The following RBFOX1 variants were observed in gnomAD, a reference collection of about 807,000 sequenced individuals.
RBFOX1 encodes RNA binding fox-1 homolog 1.
In RBFOX1, 8 loss-of-function variants were observed where a neutral mutation model predicts 57.7. That is an observed-to-expected ratio of 0.14 (90% CI 0.08 to 0.25). The LOEUF is 0.25. Among genes scored for constraint, RBFOX1 ranks in the 10% least tolerant of loss-of-function variants. The probability of loss-of-function intolerance (pLI) is 1.00; values close to 1 mark genes in which losing one functional copy is unlikely to be tolerated. For synonymous variants in RBFOX1, 326 were observed against 222.4 expected, an observed-to-expected ratio of 1.47 and a Z score of -4.15; for missense variants, 611 against 548.5, an observed-to-expected ratio of 1.11 and a Z score of -1.14.
At chr16:7,355,059 G>A (rs2097191359) in intron 4 of RBFOX1, among the ~76,000 whole-genome samples, 1 of 152,150 alleles carries the variant, frequency 6.6e-6, no homozygotes, top group Admixed American at 6.5e-5. Context: ...TTTAACGCAT[G>A]AGGTCTTAGT....
chr16:7,702,360 C>A (rs528874727), intron 14 of RBFOX1, among the ~76,000 whole-genome samples: 2 of 152,138 alleles, frequency 1.3e-5, no homozygotes, highest in Non-Finnish European at 2.9e-5. Context: ...CCACAGAATC[C>A]CCAAGAAGCT....
At chr16:6,256,187 G>GTATATA (rs1238561014) in intron 1 of RBFOX1, among the ~76,000 whole-genome samples, 2 of 9,730 alleles carry the variant, frequency 2.1e-4, no homozygotes, top group African/African-American at 1.4e-4. Flanking sequence ...ATATATATAC[G>GTATATA]TATATATATG....
intron 3 of RBFOX1, among the ~76,000 whole-genome samples, chr16:6,898,049 T>C (rs940291085): frequency 6.6e-6 from 1 of 152,160 alleles, no homozygotes. Context: ...TCCTCGGTGT[T>C]TATATAATGC....
chr16:7,014,648 G>C (rs1418612697), intron 3 of RBFOX1, among the ~76,000 whole-genome samples: 2 of 152,110 alleles, frequency 1.3e-5, no homozygotes, highest in Admixed American at 6.6e-5. Flanking sequence ...TTTTGGATTT[G>C]ATTCTCAGTC....
At chr16:5,978,841 C>T (rs2152308020) in intron 4 of RBFOX1, among the ~76,000 whole-genome samples, 1 of 152,170 alleles carries the variant, frequency 6.6e-6, no homozygotes, top group East Asian at 1.9e-4. Context: ...ATGCTCTTCT[C>T]ATCATATAGC....
chr16:7,064,986 A>G (rs540924475), intron 4 of RBFOX1, among the ~76,000 whole-genome samples: 2 of 152,310 alleles, frequency 1.3e-5, no homozygotes, highest in East Asian at 3.9e-4. Context: ...GTGTGTCACC[A>G]CCACATACAA....
intron 4 of RBFOX1, among the ~76,000 whole-genome samples, chr16:7,504,863 C>T (rs148560357): frequency 0.02 from 2,798 of 136,834 alleles, 116 homozygotes; most frequent in African/African-American, 0.081. Context: ...GGAAGAATAC[C>T]AGCTGTTCTG....
At chr16:7,703,922 A>G (rs886297598) in intron 14 of RBFOX1, among the ~76,000 whole-genome samples, 5 of 152,230 alleles carry the variant, frequency 3.3e-5, no homozygotes, top group African/African-American at 1.2e-4. Flanking sequence ...TCTGCAGACC[A>G]AAAGTCTGGG....
chr16:7,270,216 C>T (rs2095284456), intron 4 of RBFOX1, among the ~76,000 whole-genome samples: 1 of 152,172 alleles, frequency 6.6e-6, no homozygotes, highest in Non-Finnish European at 1.5e-5. Context: ...GGAGCAGGAA[C>T]CTGAGAGGAC....
intron 3 of RBFOX1, among the ~76,000 whole-genome samples, chr16:6,805,808 C>T (rs1448787183): frequency 1.3e-5 from 2 of 152,178 alleles, no homozygotes; most frequent in Admixed American, 6.5e-5. Context: ...TTCACATCTT[C>T]GCTGCCCTGT....
intron 3 of RBFOX1, among the ~76,000 whole-genome samples, chr16:5,753,114 C>G (rs1292627903): frequency 6.6e-6 from 1 of 151,744 alleles, no homozygotes; most frequent in East Asian, 1.9e-4. Context: ...GAGCTGTGAT[C>G]ACACCACTGC....
At chr16:7,006,013 A>G (rs986277422) in intron 3 of RBFOX1, among the ~76,000 whole-genome samples, 1 of 152,186 alleles carries the variant, frequency 6.6e-6, no homozygotes, top group African/African-American at 2.4e-5. Context: ...GCTGGACAGC[A>G]TCTTACTGAG....
At chr16:7,467,589 G>T (rs551908374) in intron 4 of RBFOX1, among the ~76,000 whole-genome samples, 3 of 152,288 alleles carry the variant, frequency 2.0e-5, no homozygotes, top group Admixed American at 6.5e-5. Context: ...GTAGCTGTGG[G>T]ACTTTGGGCA....
intron 1 of RBFOX1, among the ~76,000 whole-genome samples, chr16:6,223,284 C>T (rs1157562565): frequency 2.0e-5 from 3 of 150,974 alleles, no homozygotes; most frequent in Non-Finnish European, 4.4e-5. Context: ...ACACTGACTT[C>T]CACAATGGTT....
At chr16:7,210,185 A>G (rs1170959621) in intron 4 of RBFOX1, among the ~76,000 whole-genome samples, 1 of 152,206 alleles carries the variant, frequency 6.6e-6, no homozygotes, top group African/African-American at 2.4e-5. Context: ...TCAAGATCCC[A>G]CACAAGAAAC....
chr16:6,610,675 A>G (rs979602517), intron 2 of RBFOX1, among the ~76,000 whole-genome samples: 1 of 152,190 alleles, frequency 6.6e-6, no homozygotes, highest in Admixed American at 6.5e-5. Flanking sequence ...TGAGCTTCAT[A>G]TATGTGAAGA....
At chr16:6,531,713 G>C (rs1366959321) in intron 2 of RBFOX1, among the ~76,000 whole-genome samples, 4 of 152,064 alleles carry the variant, frequency 2.6e-5, no homozygotes, top group Non-Finnish European at 5.9e-5. Context: ...GACCCAAACA[G>C]GGCTTCTTAA....
rs181940857 is a variant in RBFOX1 at position 6,888,232 on chromosome 16, G to A, written c.-15-163825G>A. 3.8e-3 allele frequency among the ~76,000 whole-genome samples: 574 copies of A among 152,214 alleles called. 6 individuals are homozygous for A. The highest frequency in any genetic ancestry group is 0.013 in the African/African-American group (543 of 41,544). On this transcript the variant is annotated intron_variant, in intron 3 of 15. Coordinates refer to ENST00000550418, the MANE Select transcript of RBFOX1 (RefSeq NM_018723.4). Reference sequence around the variant, plus strand: ...CTAACTTTTGTAAAACCAATGAAAAGAAATGAAAAGAAAATGAAGGACCAC... The same window carrying A: ...CTAACTTTTGTAAAACCAATGAAAAAAAATGAAAAGAAAATGAAGGACCAC...
intron 3 of RBFOX1, among the ~76,000 whole-genome samples, chr16:6,664,869 C>T (rs2098722330): frequency 6.6e-6 from 1 of 152,178 alleles, no homozygotes; most frequent in Non-Finnish European, 1.5e-5. Context: ...TGCCCCTTCA[C>T]CAGCTGGCAG....
Sources: allele counts gnomAD v4.1 joint callset (sites outside exome capture counted in the v4.1 genomes callset), GRCh38; gene constraint gnomAD v4.1.1; transcripts MANE v1.5; gene names NCBI Gene and HGNC (gene_info 2026-07-23, HGNC 2026-07-21).